The following FOXP2 variants were observed in gnomAD, a reference collection of about 807,000 sequenced individuals.
The protein encoded by FOXP2 is forkhead box P2.
FOXP2 carries 12 observed loss-of-function variants against 115.8 expected under a neutral mutation model. That is an observed-to-expected ratio of 0.10 (90% CI 0.07 to 0.17). The LOEUF is 0.17. FOXP2 is among the 10% of genes least tolerant of loss of function. FOXP2 has a pLI of 1.00. For missense variants in FOXP2, 629 were observed against 843.5 expected, an observed-to-expected ratio of 0.75 and a Z score of 3.15; for synonymous variants, 328 against 297.7, an observed-to-expected ratio of 1.10 and a Z score of -1.05.
chr7:114,440,260 T>C (rs1200596742), intron 2 of FOXP2, among the ~76,000 whole-genome samples: 1 of 152,186 alleles, frequency 6.6e-6, no homozygotes, highest in South Asian at 2.1e-4. Flanking sequence ...TTCCATCATA[T>C]TGTTTCATAG....
chr7:114,464,918 A>AT (rs1795739412), intron 2 of FOXP2, among the ~76,000 whole-genome samples: 1 of 152,170 alleles, frequency 6.6e-6, no homozygotes, highest in Admixed American at 6.5e-5. Flanking sequence ...CCACACCTTG[A>AT]TAGAGTAATA....
chr7:114,392,351 C>T (rs1362009661), intron 2 of FOXP2, among the ~76,000 whole-genome samples: 2 of 152,158 alleles, frequency 1.3e-5, no homozygotes, highest in East Asian at 1.9e-4. Context: ...GCAAATATAA[C>T]TGAGAGTAAA....
At chr7:114,363,680 T>C (rs1791806490) in intron 2 of FOXP2, among the ~76,000 whole-genome samples, 1 of 152,120 alleles carries the variant, frequency 6.6e-6, no homozygotes, top group Non-Finnish European at 1.5e-5. Context: ...ATTTTTTTCA[T>C]GTTGCATATT....
intron 1 of FOXP2, among the ~76,000 whole-genome samples, chr7:114,146,727 C>T (rs1481105823): frequency 6.6e-6 from 1 of 152,128 alleles, no homozygotes; most frequent in Admixed American, 6.5e-5. Flanking sequence ...AGGAGGAAAA[C>T]AATTGTTGTT....
chr7:114,501,462 A>G (rs1797563794), intron 2 of FOXP2, among the ~76,000 whole-genome samples: 1 of 152,118 alleles, frequency 6.6e-6, no homozygotes, highest in Non-Finnish European at 1.5e-5. Flanking sequence ...AATTACATGA[A>G]AACATGTTGA....
At chr7:114,646,341 T>A (rs1189251405) in intron 8 of FOXP2, among the ~76,000 whole-genome samples, 1 of 152,040 alleles carries the variant, frequency 6.6e-6, no homozygotes, top group African/African-American at 2.4e-5. Flanking sequence ...TTTCCTTCAG[T>A]ATGATTTTGT....
At position 114,250,809 on chromosome 7, in the gene FOXP2, C is replaced by T. The variant is rs571112856; in HGVS notation, c.-101-37210C>T. Among the ~76,000 whole-genome samples the T allele has an allele frequency of 1.3e-3, 204 of 152,258 alleles. 1 individual carries two copies. The highest frequency in any genetic ancestry group is 4.7e-3 in the African/African-American group (196 of 41,558). ...AGAAGCTCTTTAGTTTAATTAGATC[C>T]TATTTGTCAATTTTGGCTTTTGTTG... On this transcript the variant is annotated intron_variant, in intron 1 of 17. Transcript: ENST00000634411.
At chr7:114,328,263 G>A (rs1482532359) in intron 2 of FOXP2, among the ~76,000 whole-genome samples, 4 of 136,752 alleles carry the variant, frequency 2.9e-5, no homozygotes, top group Admixed American at 7.7e-5. Context: ...TTGAGACAGA[G>A]TCTTGCTCTG....
intron 1 of FOXP2, among the ~76,000 whole-genome samples, chr7:114,167,431 A>G (rs1793012103): frequency 6.6e-6 from 1 of 152,082 alleles, no homozygotes; most frequent in African/African-American, 2.4e-5. Flanking sequence ...TTACAAATTG[A>G]AGGTTTGTGG....
intron 1 of FOXP2, among the ~76,000 whole-genome samples, chr7:114,122,696 C>T (rs762194335): frequency 2.1e-4 from 32 of 151,968 alleles, no homozygotes; most frequent in Non-Finnish European, 4.3e-4. Context: ...AATGTTTACA[C>T]TGCATTTTAA....
At chr7:114,576,682 A>G (rs954811263) in intron 3 of FOXP2, among the ~76,000 whole-genome samples, 2 of 151,912 alleles carry the variant, frequency 1.3e-5, no homozygotes, top group African/African-American at 4.8e-5. Flanking sequence ...GACAGACTGT[A>G]TTTTGCATTT....
At chr7:114,526,195 A>AAAAAAAC (rs1554410537) in intron 2 of FOXP2, among the ~76,000 whole-genome samples, 1 of 147,040 alleles carries the variant, frequency 6.8e-6, no homozygotes, top group African/African-American at 2.5e-5. Context: ...AAAAAAAAAA[A>AAAAAAAC]GGGCCGGACG....
At chr7:114,645,557 G>A (rs1805840740) in intron 8 of FOXP2, 1 of 152,078 alleles carries the variant, frequency 6.6e-6, no homozygotes, top group Non-Finnish European at 1.5e-5. Context: ...TCTAAACAGA[G>A]AGCTACAGAT....
upstream of FOXP2, chr7:114,086,669 G>T: frequency 3.1e-6 from 1 of 319,742 alleles, no homozygotes; most frequent in Non-Finnish European, 6.2e-6. Flanking sequence ...CCCTGTCCCA[G>T]CCACCTCCAC....
chr7:114,340,669 C>T (rs1250808163), intron 2 of FOXP2, among the ~76,000 whole-genome samples: 1 of 150,994 alleles, frequency 6.6e-6, no homozygotes, highest in East Asian at 1.9e-4. Context: ...TAGCATTTGT[C>T]GATAATACTT....
rs1217601922 is a variant in FOXP2, at chr7:114,298,453, CAAT to C, written c.-11+10352_-11+10354del. Among the ~76,000 whole-genome samples, 4 of 152,158 alleles carry C rather than the reference CAAT, an allele frequency of 2.6e-5. No individual in the cohort carries two copies. The East Asian group carries it at 5.8e-4, about 22-fold the overall frequency. ...ATAATAAAAACGATAATAGTAATAA[CAAT>C]AATAATACTATCCAACATGTTGTAA... On this transcript the variant is annotated intron_variant, in intron 2 of 17. Coordinates refer to the FOXP2 transcript ENST00000634411.
intron 2 of FOXP2, among the ~76,000 whole-genome samples, chr7:114,514,086 TACACACAC>T (rs141664873): frequency 0.16 from 23,288 of 148,470 alleles, 2,185 homozygotes; most frequent in South Asian, 0.25. Context: ...TTGTATCTTA[TACACACAC>T]ACACACACAC....
At chr7:114,481,968 G>C (rs932998773) in intron 2 of FOXP2, among the ~76,000 whole-genome samples, 1 of 151,162 alleles carries the variant, frequency 6.6e-6, no homozygotes, top group African/African-American at 2.4e-5. Flanking sequence ...AAAGAGGGGG[G>C]CACTATGGCT....
chr7:114,373,692 C>T (rs999495672), intron 2 of FOXP2, among the ~76,000 whole-genome samples: 8 of 152,120 alleles, frequency 5.3e-5, no homozygotes, highest in Admixed American at 1.3e-4. Flanking sequence ...TGTCAGAATA[C>T]CAAAAAGAAG....
Sources: gnomAD v4.1 joint callset for allele counts (sites outside exome capture counted in the v4.1 genomes callset) on GRCh38, gnomAD v4.1.1 for gene constraint, MANE v1.5 for transcripts, NCBI Gene and HGNC (gene_info 2026-07-23, HGNC 2026-07-21) for gene names.